The following M1AP variants were observed in gnomAD, a reference collection of about 807,000 sequenced individuals.
M1AP encodes the protein meiosis 1 arrest protein.
M1AP carries 39 observed loss-of-function variants against 51.2 expected under a neutral mutation model. The ratio of observed to expected loss-of-function variants is 0.76; its 90% CI spans 0.59 to 1.00. M1AP has a LOEUF of 1.00. Ranked by LOEUF, M1AP falls within the 50% of genes least tolerant of loss-of-function variation. M1AP has a pLI of 0.00. For synonymous variants in M1AP, 251 were observed against 249.2 expected, an observed-to-expected ratio of 1.01 and a Z score of -0.07; for missense variants, 545 against 641.2, an observed-to-expected ratio of 0.85 and a Z score of 1.62.
intron 7 of M1AP, among the ~76,000 whole-genome samples, chr2:74,563,675 GATC>G (rs1678186911): frequency 6.6e-6 from 1 of 151,026 alleles, no homozygotes; most frequent in Non-Finnish European, 1.5e-5. Context: ...GGGCCCTTGA[GATC>G]ATCTCAGCCA....
At chr2:74,643,109 T>G (rs1187020266) in intron 1 of M1AP, among the ~76,000 whole-genome samples, 1 of 152,150 alleles carries the variant, frequency 6.6e-6, no homozygotes, top group Non-Finnish European at 1.5e-5. Flanking sequence ...GGATTTTTTT[T>G]GTTCTTAATC....
At chr2:74,592,674 ATC>A (rs1221995048) in intron 4 of M1AP, among the ~76,000 whole-genome samples, 1 of 152,186 alleles carries the variant, frequency 6.6e-6, no homozygotes, top group Non-Finnish European at 1.5e-5. Flanking sequence ...AAATAAATAA[ATC>A]TTTCTTTATT....
chr2:74,635,897 C>T (rs922617416), intron 2 of M1AP, among the ~76,000 whole-genome samples: 1 of 151,960 alleles, frequency 6.6e-6, no homozygotes, highest in Admixed American at 6.6e-5. Context: ...CTTCATGGCC[C>T]ATGGTATGGT....
intron 3 of M1AP, 60 bp downstream of exon 3, chr2:74,614,904 T>G: frequency 3.9e-5 from 56 of 1,423,050 alleles, no homozygotes; most frequent in Non-Finnish European, 4.9e-5. Context: ...TGATAAACAA[T>G]GACCTATATG....
At chr2:74,561,244 G>GGAGGAGGAGGAGA (rs1677983669) in intron 8 of M1AP, among the ~76,000 whole-genome samples, 12 of 82,496 alleles carry the variant, frequency 1.5e-4, no homozygotes, top group African/African-American at 3.3e-4. Flanking sequence ...GGAGGAGGAG[G>GGAGGAGGAGGAGA]AGGAGGAGGA....
chr2:74,629,108 A>G (rs117340134), intron 2 of M1AP, among the ~76,000 whole-genome samples: 3,746 of 152,354 alleles, frequency 0.025, 65 homozygotes, highest in East Asian at 0.052. Flanking sequence ...GAGTTTTTAC[A>G]AAACAAAATT....
At chr2:74,641,641 CT>C (rs111350730) in intron 1 of M1AP, among the ~76,000 whole-genome samples, 361 of 140,888 alleles carry the variant, frequency 2.6e-3, no homozygotes, top group Admixed American at 4.1e-3. Flanking sequence ...GAATTTCAAT[CT>C]TTTTTTTTTT....
chr2:74,621,935 C>A (rs1682069768), intron 2 of M1AP, among the ~76,000 whole-genome samples: 1 of 149,378 alleles, frequency 6.7e-6, no homozygotes, highest in Admixed American at 6.6e-5. Flanking sequence ...TGGTGAAACC[C>A]CACATCTACT....
At chr2:74,606,480 CACTG>C (rs1200701255) in intron 4 of M1AP, among the ~76,000 whole-genome samples, 1 of 152,140 alleles carries the variant, frequency 6.6e-6, no homozygotes, top group Non-Finnish European at 1.5e-5. Flanking sequence ...GATCTATAAA[CACTG>C]ACACAGCTGT....
chr2:74,630,467 TC>T (rs1229974228), intron 2 of M1AP, among the ~76,000 whole-genome samples: 1 of 152,174 alleles, frequency 6.6e-6, no homozygotes, highest in Non-Finnish European at 1.5e-5. Context: ...TAGCTATTGG[TC>T]CTGATGCTCT....
At chr2:74,624,412 T>C (rs539823725) in intron 2 of M1AP, among the ~76,000 whole-genome samples, 1 of 152,358 alleles carries the variant, frequency 6.6e-6, no homozygotes, top group Non-Finnish European at 1.5e-5. Context: ...TGGGCTTTCA[T>C]ACATGAACTT....
chr2:74,623,875 T>A (rs540914698), intron 2 of M1AP, among the ~76,000 whole-genome samples: 163 of 152,240 alleles, frequency 1.1e-3, no homozygotes, highest in Non-Finnish European at 1.5e-3. Flanking sequence ...TCTTGCTATG[T>A]TGCCCAGGCT....
In M1AP at chr2:74,640,097, C is replaced by A; in HGVS notation, c.179G>T (p.Arg60Leu). The change falls in exon 2 of 11, where the codon CGC (arginine) becomes CTC (leucine). Residue 60 changes from arginine (R) to leucine (L), a missense_variant. Arg to Leu is a moderately radical substitution (Grantham distance 102). Coordinates refer to ENST00000421985, the MANE Select transcript of M1AP (RefSeq NM_001321739.2). ...CATGTATAAACTGAACAGGGACATG[C>A]GGCTGGGGCCCATCAAGCTGCAGGC... ...SLACSLMGPS[R>L]MSLFSLYMVQ... 10 of 1,614,164 alleles carry A rather than the reference C, an allele frequency of 6.2e-6. No individual in the cohort carries two copies. The highest frequency in any genetic ancestry group is 8.5e-6 in the Non-Finnish European group (10 of 1,180,024).
At chr2:74,623,365 A>C (rs969080940) in intron 2 of M1AP, among the ~76,000 whole-genome samples, 2 of 152,038 alleles carry the variant, frequency 1.3e-5, no homozygotes, top group African/African-American at 2.4e-5. Context: ...TTAGCCAGGC[A>C]TGGTGACCCG....
chr2:74,627,276 G>A (rs1173944828), intron 2 of M1AP, among the ~76,000 whole-genome samples: 1 of 151,902 alleles, frequency 6.6e-6, no homozygotes, highest in African/African-American at 2.4e-5. Context: ...TGGTTATTGT[G>A]ATGAAAAATT....
At chr2:74,576,223 C>T (rs575430861) in intron 6 of M1AP, among the ~76,000 whole-genome samples, 1 of 152,342 alleles carries the variant, frequency 6.6e-6, no homozygotes, top group African/African-American at 2.4e-5. Flanking sequence ...AAACAATCCT[C>T]ATGCAGACCT....
intron 4 of M1AP, among the ~76,000 whole-genome samples, chr2:74,599,777 C>T (rs1230155094): frequency 6.6e-6 from 1 of 150,542 alleles, no homozygotes; most frequent in East Asian, 1.9e-4. Context: ...AATACACACA[C>T]ACAGACACAC....
In M1AP at chr2:74,615,141, T is replaced by C; in HGVS notation, c.249A>G (p.Lys83=). Residue 83 remains lysine, a synonymous_variant, in exon 3 of 11, where the codon AAA becomes AAG. Transcript: ENST00000421985. The part of the protein sequence containing the change: ...HECILPFVQV[K]GNFARLQTCI... ...AGGTCTGCAACCTAGCAAAGTTCCC[T>C]TTCACTTGCTGCAGAGAAAAACGAA... The C allele has an allele frequency of 2.5e-6, 4 of 1,614,038 alleles. No homozygotes were observed. Among genetic ancestry groups the C allele is most frequent in the Non-Finnish European group, 3.4e-6 (4 of 1,179,896 alleles).
intron 2 of M1AP, among the ~76,000 whole-genome samples, chr2:74,630,174 T>C (rs1449783924): frequency 2.0e-5 from 3 of 152,162 alleles, no homozygotes; most frequent in Non-Finnish European, 2.9e-5. Context: ...TGGGCTTATG[T>C]GATCCTCCTT....
Sources: allele counts gnomAD v4.1 joint callset (sites outside exome capture counted in the v4.1 genomes callset), GRCh38; gene constraint gnomAD v4.1.1; transcripts MANE v1.5; gene names NCBI Gene and HGNC (gene_info 2026-07-23, HGNC 2026-07-21).